The following RANBP3L variants were observed in gnomAD, a reference collection of about 807,000 sequenced individuals.
RANBP3L encodes RAN binding protein 3 like.
A neutral mutation model predicts 67.2 loss-of-function variants in RANBP3L; 56 were observed. The ratio of observed to expected loss-of-function variants is 0.83; its 90% CI spans 0.67 to 1.04. The LOEUF is 1.04. Among genes scored for constraint, RANBP3L ranks in the 50% least tolerant of loss-of-function variants. The pLI is 0.00. For synonymous variants in RANBP3L, 164 were observed against 181.4 expected (o/e 0.90, Z 0.77); for missense variants, 496 against 535.5 (o/e 0.93, Z 0.73).
At chr5:36,299,750 T>C (rs1397960814) in intron 1 of RANBP3L, among the ~76,000 whole-genome samples, 1 of 152,098 alleles carries the variant, frequency 6.6e-6, no homozygotes, top group African/African-American at 2.4e-5. Context: ...CCTAAGGGAA[T>C]TTTGCTACAT....
chr5:36,301,537 G>C lies in RANBP3L; in HGVS notation c.-121C>G. ...ATAGATTCATGCAGATCTTGTCTTT[G>C]CATGTACAACATATACTCCTCTACT... On this transcript the variant is annotated 5_prime_UTR_variant, in exon 1 of 14. Transcript: ENST00000296604. 2.9e-6 allele frequency: 2 copies of C among 687,538 alleles called. No individual in the cohort carries two copies. Among genetic ancestry groups the C allele is most frequent in the South Asian group, 3.4e-5 (2 of 58,740 alleles). 42.6% of individuals were successfully genotyped at this position (687,538 alleles called of 1,614,324 possible).
intron 1 of RANBP3L, among the ~76,000 whole-genome samples, chr5:36,272,506 C>T (rs1263700782): frequency 6.6e-6 from 1 of 152,230 alleles, no homozygotes; most frequent in Non-Finnish European, 1.5e-5. Flanking sequence ...CATTTCTCCA[C>T]AATCTTATCT....
At chr5:36,294,306 G>C (rs1183798560) in intron 1 of RANBP3L, among the ~76,000 whole-genome samples, 2 of 151,376 alleles carry the variant, frequency 1.3e-5, no homozygotes, top group Non-Finnish European at 2.9e-5. Context: ...TTCTTTATTA[G>C]TCTTGCTAGC....
Position 36,260,820 on chromosome 5 carries a change from G to A in RANBP3L, c.629C>T (p.Ser210Phe). The part of the protein sequence containing the change: ...EDKCSFKSCS[S>F]NFVFGENMVE... ...CATGTTTTCTCCAAAAACAAAATTG[G>A]AACTGCAGCTTTTAAAAGAACATTT... The change falls in exon 8 of 14, where the codon TCC becomes TTC. Residue 210 changes from serine (S) to phenylalanine (F), a missense_variant. Ser to Phe is a radical substitution (Grantham distance 155). Coordinates refer to ENST00000296604, the MANE Select transcript of RANBP3L (RefSeq NM_145000.5). The A allele has an allele frequency of 6.4e-7, 1 of 1,562,934 alleles. No homozygotes were observed. The highest frequency in any genetic ancestry group is 2.3e-5 in the East Asian group (1 of 44,404).
At chr5:36,279,827 A>G (rs1750848696) in intron 1 of RANBP3L, among the ~76,000 whole-genome samples, 1 of 152,174 alleles carries the variant, frequency 6.6e-6, no homozygotes, top group African/African-American at 2.4e-5. Context: ...CTTAGTTTAT[A>G]TTCATTTATG....
At chr5:36,296,013 T>A (rs1752190727) in intron 1 of RANBP3L, among the ~76,000 whole-genome samples, 2 of 152,160 alleles carry the variant, frequency 1.3e-5, no homozygotes, top group African/African-American at 4.8e-5. Flanking sequence ...CTGGACACCA[T>A]GCTCAGGGGA....
intron 1 of RANBP3L, among the ~76,000 whole-genome samples, chr5:36,298,918 G>A (rs1326387302): frequency 6.6e-6 from 1 of 152,148 alleles, no homozygotes; most frequent in Admixed American, 6.5e-5. Flanking sequence ...TTCATGCTGA[G>A]TGTCAACTTG....
intron 1 of RANBP3L, among the ~76,000 whole-genome samples, chr5:36,290,652 AT>A (rs34953672): frequency 0.94 from 139,241 of 147,644 alleles, 65,875 homozygotes; most frequent in Non-Finnish European, 0.98. Flanking sequence ...AAAATAAAGG[AT>A]TTTTTTTTTT....
intron 12 of RANBP3L, among the ~76,000 whole-genome samples, chr5:36,253,346 A>G (rs951225122): frequency 6.6e-6 from 1 of 152,090 alleles, no homozygotes; most frequent in Admixed American, 6.6e-5. Context: ...ATTCCTGACA[A>G]TAGTCACTTT....
At chr5:36,289,886 G>T (rs764492424) in intron 1 of RANBP3L, among the ~76,000 whole-genome samples, 3 of 150,656 alleles carry the variant, frequency 2.0e-5, no homozygotes, top group African/African-American at 7.3e-5. Context: ...TTTTCTTAAC[G>T]TAATACACTG....
At chr5:36,278,895 T>C (rs902754344) in intron 1 of RANBP3L, among the ~76,000 whole-genome samples, 1 of 152,192 alleles carries the variant, frequency 6.6e-6, no homozygotes, top group African/African-American at 2.4e-5. Flanking sequence ...ACAAATTTTT[T>C]TGGAAAAGGT....
At chr5:36,298,910 C>A (rs4504405) in intron 1 of RANBP3L, among the ~76,000 whole-genome samples, 152,157 of 152,326 alleles carry the variant, frequency 1, 75,997 homozygotes, top group Middle Eastern at 1. Context: ...TGTGATGGTT[C>A]ATGCTGAGTG....
At position 36,255,581 on chromosome 5, in the gene RANBP3L, T is replaced by C. The variant is rs1389507679; in HGVS notation, c.913A>G (p.Lys305Glu). Residue 305 changes from lysine to glutamate, a missense_variant, in exon 11 of 14, where the codon AAG becomes GAG. By Grantham distance (56) the Lys-to-Glu change is moderately conservative. Coordinates refer to ENST00000296604, the MANE Select transcript of RANBP3L (RefSeq NM_145000.5). ...TEHNVLKINCKLFIFNKTTQS... is the reference protein window; with the variant it reads ...TEHNVLKINCELFIFNKTTQS... ...GTTGTTTTGTTGAATATGAAAAGCTTGCAGTTTATCTAAATGACAATTTTT... is the reference window on the plus strand; with the variant it reads ...GTTGTTTTGTTGAATATGAAAAGCTCGCAGTTTATCTAAATGACAATTTTT... The C allele has an allele frequency of 6.2e-7, 1 of 1,604,108 alleles. No homozygotes were observed. Among genetic ancestry groups the C allele is most frequent in the Non-Finnish European group, 8.5e-7 (1 of 1,175,512 alleles).
At chr5:36,289,559 C>A (rs1183353091) in intron 1 of RANBP3L, among the ~76,000 whole-genome samples, 2 of 152,130 alleles carry the variant, frequency 1.3e-5, no homozygotes, top group African/African-American at 4.8e-5. Context: ...ATAATTCAGT[C>A]TTCTTCAGCT....
At position 36,246,963 on chromosome 5, in the gene RANBP3L, G is replaced by A. The variant is rs7730301; in HGVS notation, c.*2691C>T. On this transcript the variant is annotated 3_prime_UTR_variant, in exon 14 of 14. Transcript: ENST00000296604. ...GTCTATAATTAGGGTAAACAGTTGG[G>A]TAAAATCTTACTAAAAGAAAGTTAA... Among the ~76,000 whole-genome samples, 12,009 of 152,138 alleles carry A rather than the reference G, an allele frequency of 0.079. 1,630 individuals are homozygous for A. The highest frequency in any genetic ancestry group is 0.28 in the African/African-American group (11,418 of 41,478).
Position 36,255,563 on chromosome 5 carries a change from T to G in RANBP3L, c.931A>C (p.Lys311Gln). Residue 311 changes from lysine to glutamine, a missense_variant, in exon 11 of 14, where the codon AAA (lysine) becomes CAA (glutamine). Physicochemically the swap from Lys to Gln is moderately conservative, Grantham distance 53. Transcript: ENST00000296604. ...KINCKLFIFNKTTQSWIERGR... is the reference protein window; with the variant it reads ...KINCKLFIFNQTTQSWIERGR... ...CTTTCAATCCAGGATTGTGTTGTTTTGTTGAATATGAAAAGCTTGCAGTTT... is the reference window on the plus strand; with the variant it reads ...CTTTCAATCCAGGATTGTGTTGTTTGGTTGAATATGAAAAGCTTGCAGTTT... 1 of 1,610,212 alleles carries G rather than the reference T, an allele frequency of 6.2e-7. No individual in the cohort carries two copies. The highest frequency in any genetic ancestry group is 8.5e-7 in the Non-Finnish European group (1 of 1,177,464).
At chr5:36,286,546 T>A (rs187622026) in intron 1 of RANBP3L, among the ~76,000 whole-genome samples, 1 of 152,268 alleles carries the variant, frequency 6.6e-6, no homozygotes, top group Admixed American at 6.5e-5. Context: ...TTGTTAGAAA[T>A]GAAAATTCTT....
chr5:36,267,265 T>C (rs956728055), intron 4 of RANBP3L, among the ~76,000 whole-genome samples: 1 of 152,126 alleles, frequency 6.6e-6, no homozygotes, highest in African/African-American at 2.4e-5. Context: ...TCCCAGCACT[T>C]TGGGAGGCCG....
intron 1 of RANBP3L, among the ~76,000 whole-genome samples, chr5:36,290,547 G>C (rs1313854100): frequency 6.6e-6 from 1 of 151,872 alleles, no homozygotes; most frequent in Non-Finnish European, 1.5e-5. Context: ...ATCTAGGTAG[G>C]GGTTTATTAA....
Sources: gnomAD v4.1 joint callset for allele counts (sites outside exome capture counted in the v4.1 genomes callset) on GRCh38, gnomAD v4.1.1 for gene constraint, MANE v1.5 for transcripts, NCBI Gene and HGNC (gene_info 2026-07-23, HGNC 2026-07-21) for gene names.